RBM27: variants seen among roughly 807,000 people sequenced by gnomAD.
RBM27 encodes the protein RNA-binding protein 27.
In RBM27, 22 loss-of-function variants were observed where a neutral mutation model predicts 135.3. The observed-to-expected ratio is 0.16, with a 90% CI of 0.12 to 0.23. The LOEUF (loss-of-function observed/expected upper bound fraction) is 0.23. Ranked by LOEUF, RBM27 falls within the 10% of genes least tolerant of loss-of-function variation. The pLI is 1.00. For missense variants in RBM27, 1,009 were observed against 1,281.0 expected (o/e 0.79, Z 3.24); for synonymous variants, 481 against 442.4 (o/e 1.09, Z -1.10).
intron 10 of RBM27, among the ~76,000 whole-genome samples, chr5:146,256,505 A>T (rs1334123468): frequency 6.6e-6 from 1 of 151,234 alleles, no homozygotes. Flanking sequence ...GTGCACCACC[A>T]CAACCCTGCT....
At position 146,230,853 on chromosome 5, in the gene RBM27, T is replaced by C; in HGVS notation, c.786T>C (p.Asn262=). ...AGAGTTGGTCTAATTACTATAACAA[T>C]CATAGCTCTTCCAATTCTTTTGGTC... The part of the protein sequence containing the change: ...TTESWSNYYN[N]HSSSNSFGRN... Residue 262 remains asparagine (N), a synonymous_variant, in exon 6 of 21, where the codon AAT becomes AAC. Transcript: ENST00000265271. 16 of 1,614,076 alleles carry C rather than the reference T, an allele frequency of 9.9e-6. No homozygotes were observed. Among genetic ancestry groups the C allele is most frequent in the Non-Finnish European group, 1.4e-5 (16 of 1,179,990 alleles).
chr5:146,220,609 T>A (rs999758990), intron 2 of RBM27, among the ~76,000 whole-genome samples: 4 of 151,912 alleles, frequency 2.6e-5, no homozygotes, highest in African/African-American at 9.7e-5. Flanking sequence ...AATAAGTATT[T>A]ACTGAGAAGG....
intron 20 of RBM27, 90 bp downstream of exon 20, chr5:146,284,822 G>C (rs1759517899): frequency 1.2e-6 from 1 of 808,988 alleles, no homozygotes. Flanking sequence ...ATTAAAAAAT[G>C]CTGGGTTTTT....
At position 146,286,217 on chromosome 5, in the gene RBM27, G is replaced by A; in HGVS notation, c.*187G>A. 2.0e-6 allele frequency: 1 copy of A among 488,128 alleles called. No individual in the cohort carries two copies. Among genetic ancestry groups the A allele is most frequent in the East Asian group, 3.7e-5 (1 of 27,380 alleles). The allele number at this position is 488,128 out of a possible 1,614,324, so 30.2% of individuals were successfully genotyped here. ...CTGTACATGATATTAAAGCACCAAA[G>A]GCCTAGTGACTTTTACACAGTTGTG... On this transcript the variant is annotated 3_prime_UTR_variant, in exon 21 of 21. Coordinates refer to ENST00000265271, the MANE Select transcript of RBM27 (RefSeq NM_018989.2).
intron 8 of RBM27, among the ~76,000 whole-genome samples, chr5:146,250,212 G>C (rs1324255138): frequency 6.6e-6 from 1 of 152,012 alleles, no homozygotes. Context: ...AGGCCGAGAC[G>C]GGCAGATCAC....
intron 6 of RBM27, among the ~76,000 whole-genome samples, chr5:146,233,127 T>C (rs374862335): frequency 6.6e-6 from 1 of 152,228 alleles, no homozygotes; most frequent in Middle Eastern, 3.2e-3. Flanking sequence ...CTTTGCTAAA[T>C]TGATATTTGT....
At chr5:146,245,856 A>T (rs1333177431) in intron 8 of RBM27, among the ~76,000 whole-genome samples, 2 of 151,848 alleles carry the variant, frequency 1.3e-5, no homozygotes, top group African/African-American at 4.8e-5. Flanking sequence ...ACCTCCACTC[A>T]CCCCTGCCAT....
intron 11 of RBM27, among the ~76,000 whole-genome samples, chr5:146,259,057 A>T (rs1034309437): frequency 3.9e-5 from 6 of 152,076 alleles, no homozygotes; most frequent in Non-Finnish European, 7.4e-5. Context: ...TACCACATCC[A>T]GCCCAAAATA....
chr5:146,254,028 G>A (rs1025371593), intron 9 of RBM27, among the ~76,000 whole-genome samples: 1 of 152,148 alleles, frequency 6.6e-6, no homozygotes, highest in Non-Finnish European at 1.5e-5. Context: ...TTGAAGAAGT[G>A]TACATAACCA....
At chr5:146,264,993 T>G (rs556017562) in intron 14 of RBM27, among the ~76,000 whole-genome samples, 2 of 152,276 alleles carry the variant, frequency 1.3e-5, no homozygotes, top group South Asian at 2.1e-4. Context: ...AGATGCTGAT[T>G]GAAAGTCTAA....
intron 6 of RBM27, among the ~76,000 whole-genome samples, chr5:146,231,863 C>T (rs1235343898): frequency 1.3e-5 from 2 of 152,140 alleles, no homozygotes; most frequent in Admixed American, 1.3e-4. Context: ...GATCCACCTT[C>T]CTCAGCCTCC....
chr5:146,224,867 C>T (rs1756601757), intron 3 of RBM27, among the ~76,000 whole-genome samples: 1 of 152,010 alleles, frequency 6.6e-6, no homozygotes, highest in Admixed American at 6.6e-5. Flanking sequence ...TGAAAATTTG[C>T]CCCATCTGCT....
At chr5:146,231,192 A>C (rs563748931) in intron 6 of RBM27, among the ~76,000 whole-genome samples, 8 of 151,908 alleles carry the variant, frequency 5.3e-5, no homozygotes, top group Non-Finnish European at 7.4e-5. Context: ...ATGTTGTTTA[A>C]TCTACACTCC....
Position 146,258,474 on chromosome 5 carries a change from ACCACCAGTTCCT to A in RBM27, c.1621_1632del (p.Pro541_Pro544del). ...CTGCTAACATTGTGATCCAGACTGA[ACCACCAGTTCCT>A]GTTTCGATTAATAGCAACATAACCA... On this transcript the variant is annotated inframe_deletion, in exon 11 of 21. Coordinates refer to ENST00000265271, the MANE Select transcript of RBM27 (RefSeq NM_018989.2). 6.3e-7 allele frequency: 1 copy of A among 1,587,696 alleles called. No individual in the cohort carries two copies. Among genetic ancestry groups the A allele is most frequent in the Non-Finnish European group, 8.6e-7 (1 of 1,167,878 alleles).
Position 146,230,666 on chromosome 5 carries a change from A to G in RBM27, c.599A>G (p.Glu200Gly). The part of the protein sequence containing the change: ...RDPNRNVEHR[E>G]RSKFKSERND... The stretch of plus-strand genomic sequence containing the variant: ...TTTTGTCTCCAAGTAGAGCACAGGG[A>G]AAGATCGAAGTTTAAGAGTGAAAGG... Residue 200 changes from glutamate to glycine, a missense_variant, in exon 6 of 21, where the codon GAA becomes GGA. By Grantham distance (98) the Glu-to-Gly change is moderately conservative (BLOSUM62 -2). Coordinates refer to ENST00000265271, the MANE Select transcript of RBM27 (RefSeq NM_018989.2). 1 of 1,614,020 alleles carries G rather than the reference A, an allele frequency of 6.2e-7. No homozygotes were observed. The highest frequency in any genetic ancestry group is 8.5e-7 in the Non-Finnish European group (1 of 1,179,948).
At chr5:146,253,902 T>C (rs1056705598) in intron 9 of RBM27, among the ~76,000 whole-genome samples, 2 of 152,184 alleles carry the variant, frequency 1.3e-5, no homozygotes, top group African/African-American at 4.8e-5. Flanking sequence ...GCTGATCTTA[T>C]ATTCTGAATC....
chr5:146,263,490 G>T lies in RBM27; in HGVS notation c.2191-1G>T. The T allele has an allele frequency of 3.7e-6, 6 of 1,612,834 alleles. No homozygotes were observed. Among genetic ancestry groups the T allele is most frequent in the Non-Finnish European group, 5.1e-6 (6 of 1,179,370 alleles). On this transcript the variant is annotated splice_acceptor_variant, in intron 13 of 20. Transcript: ENST00000265271. LOFTEE classifies it high-confidence loss of function. ...CATAAGTGTTCATTTTGTATGTGCAGATGATGAGCAAACCACAGACATCAG... is the reference window on the plus strand; with the variant it reads ...CATAAGTGTTCATTTTGTATGTGCATATGATGAGCAAACCACAGACATCAG...
intron 19 of RBM27, among the ~76,000 whole-genome samples, chr5:146,275,020 A>G (rs940339998): frequency 6.6e-6 from 1 of 150,492 alleles, no homozygotes; most frequent in African/African-American, 2.4e-5. Context: ...TCAATGGATG[A>G]ACATATTTTT....
intron 17 of RBM27, among the ~76,000 whole-genome samples, chr5:146,270,519 G>C (rs1369914562): frequency 1.3e-5 from 2 of 152,100 alleles, no homozygotes; most frequent in Non-Finnish European, 2.9e-5. Flanking sequence ...GTCTTTTAAA[G>C]ACTGATAAAT....
Sources: allele counts gnomAD v4.1 joint callset (sites outside exome capture counted in the v4.1 genomes callset), GRCh38; gene constraint gnomAD v4.1.1; transcripts MANE v1.5; gene names NCBI Gene and HGNC (gene_info 2026-07-23, HGNC 2026-07-21).